ANO3: variants seen among roughly 807,000 people sequenced by gnomAD.
The protein encoded by ANO3 is anoctamin 3, also known as anoctamin-3.
ANO3 carries 99 observed loss-of-function variants against 144.8 expected under a neutral mutation model. The ratio of observed to expected loss-of-function variants is 0.68; its 90% CI spans 0.58 to 0.81. ANO3 has a LOEUF of 0.81. Among genes scored for constraint, ANO3 ranks in the 30% least tolerant of loss-of-function variants. The pLI is 0.00. For synonymous variants in ANO3, 414 were observed against 392.6 expected (o/e 1.05, Z -0.64); for missense variants, 905 against 1,202.2 (o/e 0.75, Z 3.66).
At chr11:26,406,181 T>C (rs1355279244) in intron 1 of ANO3, among the ~76,000 whole-genome samples, 1 of 151,902 alleles carries the variant, frequency 6.6e-6, no homozygotes, top group Non-Finnish European at 1.5e-5. Context: ...AGAGCAAGTT[T>C]CTGTCATATT....
intron 1 of ANO3, among the ~76,000 whole-genome samples, chr11:26,350,682 A>AT (rs562485939): frequency 5.3e-5 from 8 of 151,714 alleles, no homozygotes; most frequent in African/African-American, 9.7e-5. Flanking sequence ...CAACGTTGTG[A>AT]TTTTTTTTCA....
chr11:26,576,895 A>G (rs1851000516), intron 14 of ANO3, among the ~76,000 whole-genome samples: 1 of 152,218 alleles, frequency 6.6e-6, no homozygotes, highest in South Asian at 2.1e-4. Flanking sequence ...ATATTAATAT[A>G]TTTGTCAACA....
intron 1 of ANO3, among the ~76,000 whole-genome samples, chr11:26,229,504 AAAG>A (rs1852343161): frequency 6.6e-6 from 1 of 152,208 alleles, no homozygotes; most frequent in South Asian, 2.1e-4. Flanking sequence ...CGCCAATGAC[AAAG>A]TATGACGTAA....
chr11:26,316,286 G>A (rs1024325393), intron 1 of ANO3, among the ~76,000 whole-genome samples: 1 of 152,160 alleles, frequency 6.6e-6, no homozygotes, highest in African/African-American at 2.4e-5. Context: ...GGATATACCA[G>A]CATTTATTCA....
Position 26,553,244 on chromosome 11 carries a change from TCAAGCCAAGAA to T in ANO3, c.1290-4_1296del. 4.4e-5 allele frequency: 63 copies of T among 1,436,460 alleles called. No individual in the cohort carries two copies. Among genetic ancestry groups the T allele is most frequent in the South Asian group, 1.6e-4 (14 of 85,234 alleles). The allele number at this position is 1,436,460 out of a possible 1,614,324, so 89.0% of individuals were successfully genotyped here. On this transcript the variant is annotated splice_acceptor_variant and splice_polypyrimidine_tract_variant and coding_sequence_variant and intron_variant, in exon 13 of 27. Transcript: ENST00000256737. LOFTEE classifies it high-confidence loss of function. Reference sequence around the variant, plus strand: ...GTTTTGTTTTTGTTTTTGTTTTTTCTCAAGCCAAGAAATTTGTAAAGCCACTGAAGTCTTTA... The same window carrying T: ...GTTTTGTTTTTGTTTTTGTTTTTTCTATTTGTAAAGCCACTGAAGTCTTTA...
At chr11:26,240,996 C>G (rs575719608) in intron 1 of ANO3, among the ~76,000 whole-genome samples, 1 of 152,148 alleles carries the variant, frequency 6.6e-6, no homozygotes, top group African/African-American at 2.4e-5. Flanking sequence ...ACAGTTCCCA[C>G]GTGTCAGGGG....
chr11:26,574,425 T>C (rs1364026037), intron 14 of ANO3, among the ~76,000 whole-genome samples: 4 of 152,164 alleles, frequency 2.6e-5, no homozygotes, highest in African/African-American at 9.6e-5. Context: ...ATGTCACATG[T>C]AGGGAATTTG....
chr11:26,648,516 G>A (rs4922764), intron 24 of ANO3, among the ~76,000 whole-genome samples: 55,572 of 151,906 alleles, frequency 0.37, 11,322 homozygotes, highest in South Asian at 0.49. Flanking sequence ...GTCACCACCC[G>A]GTAGATACCA....
chr11:26,235,843 A>G (rs561303047), intron 1 of ANO3, among the ~76,000 whole-genome samples: 1 of 152,244 alleles, frequency 6.6e-6, no homozygotes, highest in South Asian at 2.1e-4. Context: ...TACCATAATT[A>G]TATAAACGAA....
intron 4 of ANO3, among the ~76,000 whole-genome samples, chr11:26,465,351 T>C (rs1859566570): frequency 6.6e-6 from 1 of 151,752 alleles, no homozygotes; most frequent in African/African-American, 2.4e-5. Context: ...GTGTGCCTTA[T>C]AGCATCATAT....
chr11:26,643,695 C>A (rs1026356198), intron 23 of ANO3, among the ~76,000 whole-genome samples: 1 of 150,302 alleles, frequency 6.7e-6, no homozygotes, highest in Non-Finnish European at 1.5e-5. Flanking sequence ...GCAGAGGTTG[C>A]AGCCTGGGCA....
chr11:26,634,263 C>T lies in ANO3; in HGVS notation c.1933C>T (p.Gln645Ter). ...CTTCGCCCTGAAGATGTTCCTCTTCCAGTTTGTCAATTTAAACAGTTCCAT... is the reference window on the plus strand; with the variant it reads ...CTTCGCCCTGAAGATGTTCCTCTTCTAGTTTGTCAATTTAAACAGTTCCAT... ...NSFALKMFLF[Q>*]FVNLNSSIFY... The change falls in exon 19 of 27, where the codon CAG (glutamine) becomes TAG (stop). Residue 645 changes from glutamine (Q) to a stop codon, truncating the protein, a stop_gained. Coordinates refer to ENST00000256737, the MANE Select transcript of ANO3 (RefSeq NM_031418.4). LOFTEE classifies it high-confidence loss of function. 1.9e-6 allele frequency: 3 copies of T among 1,613,904 alleles called. No homozygotes were observed. The highest frequency in any genetic ancestry group is 2.5e-6 in the Non-Finnish European group (3 of 1,179,912).
At chr11:26,620,742 C>T (rs1184489749) in intron 17 of ANO3, among the ~76,000 whole-genome samples, 3 of 152,134 alleles carry the variant, frequency 2.0e-5, no homozygotes, top group African/African-American at 7.2e-5. Flanking sequence ...TTTCATGGGC[C>T]TGATCACTGA....
chr11:26,524,661 C>T (rs1849118446), intron 6 of ANO3, among the ~76,000 whole-genome samples: 1 of 152,090 alleles, frequency 6.6e-6, no homozygotes, highest in Non-Finnish European at 1.5e-5. Flanking sequence ...TGAATTAATT[C>T]TGTCACCTTA....
chr11:26,404,229 T>A (rs10742137), intron 1 of ANO3, among the ~76,000 whole-genome samples: 96,849 of 151,592 alleles, frequency 0.64, 33,655 homozygotes, highest in Admixed American at 0.78. Context: ...AATTAGAACA[T>A]GAAACTACAT....
chr11:26,530,469 CT>C (rs1849335634), intron 7 of ANO3, among the ~76,000 whole-genome samples: 1 of 68,218 alleles, frequency 1.5e-5, no homozygotes, highest in African/African-American at 3.9e-5. Context: ...GTCTATCTAT[CT>C]ATCTATCTAT....
intron 3 of ANO3, among the ~76,000 whole-genome samples, chr11:26,449,392 A>T (rs1858827671): frequency 6.6e-6 from 1 of 152,086 alleles, no homozygotes; most frequent in Non-Finnish European, 1.5e-5. Flanking sequence ...CCTGACCCAT[A>T]GTAGGTGCTT....
At chr11:26,391,981 G>A (rs899542509) in intron 1 of ANO3, among the ~76,000 whole-genome samples, 6 of 216 alleles carry the variant, frequency 0.028, no homozygotes, top group African/African-American at 0.038. Context: ...TCCAAAAAAT[G>A]TCGGAAAACA....
intron 1 of ANO3, among the ~76,000 whole-genome samples, chr11:26,364,644 G>A (rs1856014098): frequency 6.6e-6 from 1 of 151,952 alleles, no homozygotes; most frequent in Non-Finnish European, 1.5e-5. Flanking sequence ...TGGGGGTGGA[G>A]GTGCCACACT....
Sources: gnomAD v4.1 joint callset for allele counts (sites outside exome capture counted in the v4.1 genomes callset) on GRCh38, gnomAD v4.1.1 for gene constraint, MANE v1.5 for transcripts, NCBI Gene and HGNC (gene_info 2026-07-23, HGNC 2026-07-21) for gene names.